Variants in EVL observed in about 807,000 individuals in gnomAD.
EVL encodes the protein Enah/Vasp-like, also known as ena/VASP-like protein.
EVL carries 21 observed loss-of-function variants against 59.6 expected under a neutral mutation model. The ratio of observed to expected loss-of-function variants is 0.35; its 90% CI spans 0.25 to 0.51. The LOEUF is 0.51. EVL is among the 20% of genes least tolerant of loss of function. The pLI is 0.97. For missense variants in EVL, 462 were observed against 546.6 expected (o/e 0.85, Z 1.54); for synonymous variants, 198 against 203.5 (o/e 0.97, Z 0.23).
intron 8 of EVL, chr14:100,135,282 G>A (rs544915123): frequency 2.0e-5 from 3 of 152,404 alleles, no homozygotes; most frequent in African/African-American, 7.2e-5. Context: ...CAAGGGAGAG[G>A]TTCTTTGCTT....
At chr14:100,096,641 C>A (rs1433400602) in intron 2 of EVL, among the ~76,000 whole-genome samples, 1 of 152,212 alleles carries the variant, frequency 6.6e-6, no homozygotes, top group African/African-American at 2.4e-5. Context: ...GGCTCCAGCC[C>A]CAGCATCTTT....
intron 1 of EVL, among the ~76,000 whole-genome samples, chr14:100,015,265 C>G (rs992791627): frequency 6.6e-6 from 1 of 152,298 alleles, no homozygotes; most frequent in Middle Eastern, 3.4e-3. Flanking sequence ...TTGACCATTT[C>G]GTATGAAAAG....
chr14:99,982,365 T>C (rs78134582), intron 1 of EVL, among the ~76,000 whole-genome samples: 3,152 of 152,320 alleles, frequency 0.021, 104 homozygotes, highest in African/African-American at 0.073. Context: ...TCGTAATATA[T>C]ATTTTAATGG....
chr14:100,126,748 TAGAA>T lies in EVL; in HGVS notation c.469_472del (p.Arg157GlufsTer72). 6.2e-7 allele frequency: 1 copy of T among 1,613,346 alleles called. No individual in the cohort carries two copies. The highest frequency in any genetic ancestry group is 8.5e-7 in the Non-Finnish European group (1 of 1,179,442). ...CACCAGCAGCAGCGTCAGGAATCTC[TAGAA>T]AGAAGAACCTCGGCCACAGGTGAGA... On this transcript the variant is annotated frameshift_variant, in exon 5 of 14. Transcript: ENST00000392920. LOFTEE classifies it high-confidence loss of function.
chr14:100,060,202 G>A (rs1046180436), intron 1 of EVL, among the ~76,000 whole-genome samples: 2 of 151,852 alleles, frequency 1.3e-5, no homozygotes, highest in African/African-American at 2.4e-5. Context: ...AGGCCGAGGC[G>A]GGCGGATCAC....
At chr14:99,978,334 G>A (rs367551134) in intron 1 of EVL, among the ~76,000 whole-genome samples, 4 of 149,894 alleles carry the variant, frequency 2.7e-5, no homozygotes, top group African/African-American at 7.4e-5. Flanking sequence ...CCCGGGAGGC[G>A]GAGCTTGCAG....
Position 99,972,229 on chromosome 14 carries a change from C to T in EVL, c.5+172C>T, listed in dbSNP as rs1320441183. ...GGGGGCATTCAGAGCGCGGGAATGG[C>T]TTCGCGAGAGCCGTGGGGGCGTCTG... On this transcript the variant is annotated intron_variant, in intron 1 of 13. Coordinates refer to the EVL transcript ENST00000402714. This position sits in a 1 kb window ranked among gnomAD's most constrained non-coding sequence, Gnocchi z 4.4. Among the ~76,000 whole-genome samples the T allele has an allele frequency of 6.6e-6, 1 of 151,934 alleles. No individual in the cohort carries two copies. Among genetic ancestry groups the T allele is most frequent in the Non-Finnish European group, 1.5e-5 (1 of 67,938 alleles).
chr14:100,112,044 A>C (rs984472005), intron 3 of EVL, among the ~76,000 whole-genome samples: 2 of 152,264 alleles, frequency 1.3e-5, no homozygotes, highest in Non-Finnish European at 2.9e-5. Flanking sequence ...AAGTGAGGGA[A>C]GAATTCATTC....
intron 1 of EVL, among the ~76,000 whole-genome samples, chr14:100,039,301 A>G (rs1238880705): frequency 6.6e-6 from 1 of 152,190 alleles, no homozygotes; most frequent in Non-Finnish European, 1.5e-5. Context: ...CAGTGGCACA[A>G]TTTTGGCTCA....
At chr14:99,984,129 T>C (rs1030864613) in intron 1 of EVL, among the ~76,000 whole-genome samples, 2 of 152,152 alleles carry the variant, frequency 1.3e-5, no homozygotes, top group Non-Finnish European at 2.9e-5. Context: ...GCATTTCAGG[T>C]GGCCACCCCC....
chr14:99,979,857 G>A (rs1350849786), intron 1 of EVL, among the ~76,000 whole-genome samples: 1 of 152,132 alleles, frequency 6.6e-6, no homozygotes, highest in Admixed American at 6.6e-5. Context: ...CGAACAGAGC[G>A]AGACTCCGTC....
intron 1 of EVL, among the ~76,000 whole-genome samples, chr14:100,051,501 T>C (rs1427748602): frequency 1.3e-5 from 2 of 152,248 alleles, no homozygotes; most frequent in African/African-American, 4.8e-5. Context: ...TTAAAATTGC[T>C]AACTTGATTT....
chr14:100,103,943 G>A (rs753889554), intron 3 of EVL, among the ~76,000 whole-genome samples: 25 of 152,286 alleles, frequency 1.6e-4, no homozygotes, highest in East Asian at 3.9e-4. Flanking sequence ...ATGCATGCAC[G>A]TGCTGCAGGA....
intron 3 of EVL, among the ~76,000 whole-genome samples, chr14:100,113,681 G>A (rs1432207523): frequency 6.6e-6 from 1 of 152,140 alleles, no homozygotes; most frequent in East Asian, 1.9e-4. Context: ...GTCCAGTGTT[G>A]TGCTCTTAAA....
upstream of EVL, among the ~76,000 whole-genome samples, chr14:100,060,805 T>A (rs1289133358): frequency 2.0e-5 from 3 of 151,796 alleles, no homozygotes; most frequent in Non-Finnish European, 4.4e-5. Flanking sequence ...GAACCACACC[T>A]AAACCCATCA....
chr14:100,075,124 G>A (rs988413214), intron 1 of EVL, among the ~76,000 whole-genome samples: 1 of 152,240 alleles, frequency 6.6e-6, no homozygotes, highest in Non-Finnish European at 1.5e-5. Flanking sequence ...GAAGTCAGGT[G>A]AAGATGTCAC....
chr14:99,995,939 C>T (rs545120078), intron 1 of EVL, among the ~76,000 whole-genome samples: 2 of 152,172 alleles, frequency 1.3e-5, no homozygotes, highest in East Asian at 3.9e-4. Context: ...TTCTCCCTAG[C>T]GTCTGTCAGT....
At chr14:100,046,677 C>CA (rs71113240) in intron 1 of EVL, among the ~76,000 whole-genome samples, 41 of 135,398 alleles carry the variant, frequency 3.0e-4, no homozygotes, top group East Asian at 1.5e-3. Context: ...CCCGCGCCGC[C>CA]AAAAAAAAAA....
chr14:100,063,817 G>A (rs2061879527), upstream of EVL, among the ~76,000 whole-genome samples: 1 of 152,104 alleles, frequency 6.6e-6, no homozygotes, highest in Non-Finnish European at 1.5e-5. Context: ...GGGCCATAAC[G>A]CACATTTTGA....
Sources: allele counts gnomAD v4.1 joint callset (sites outside exome capture counted in the v4.1 genomes callset), GRCh38; gene constraint gnomAD v4.1.1; non-coding constraint Gnocchi (gnomAD v3.1); transcripts MANE v1.5; gene names NCBI Gene and HGNC (gene_info 2026-07-23, HGNC 2026-07-21).